The following NLRP13 variants were observed in gnomAD, a reference collection of about 807,000 sequenced individuals.
NLRP13 encodes the protein NACHT, LRR and PYD domains-containing protein 13.
In NLRP13, 82 loss-of-function variants were observed where a neutral mutation model predicts 94.4. That is an observed-to-expected ratio of 0.87 (90% CI 0.73 to 1.04). NLRP13 has a LOEUF of 1.04. NLRP13 is among the 50% of genes least tolerant of loss of function. The probability of loss-of-function intolerance (pLI) is 0.00; values close to 1 mark genes in which losing one functional copy is unlikely to be tolerated. For missense variants in NLRP13, 1,426 were observed against 1,230.8 expected (o/e 1.16, Z -2.37); for synonymous variants, 553 against 464.7 (o/e 1.19, Z -2.45).
intron 1 of NLRP13, among the ~76,000 whole-genome samples, chr19:55,925,372 A>G (rs973818035): frequency 6.6e-6 from 1 of 152,204 alleles, no homozygotes; most frequent in Non-Finnish European, 1.5e-5. Context: ...ACTACCACCT[A>G]TATCTTTAAT....
chr19:55,929,271 C>A (rs1234867512), intron 1 of NLRP13, among the ~76,000 whole-genome samples: 1 of 152,152 alleles, frequency 6.6e-6, no homozygotes, highest in Non-Finnish European at 1.5e-5. Flanking sequence ...AATCCCATTA[C>A]TGGGTATATA....
chr19:55,925,785 C>A (rs1462667198), intron 1 of NLRP13, among the ~76,000 whole-genome samples: 1 of 152,166 alleles, frequency 6.6e-6, no homozygotes, highest in South Asian at 2.1e-4. Context: ...ATATTTACAA[C>A]TCCATTGCTT....
chr19:55,922,328 TTTTG>T (rs1181935146), intron 4 of NLRP13, among the ~76,000 whole-genome samples: 21 of 152,108 alleles, frequency 1.4e-4, no homozygotes, highest in Admixed American at 2.6e-4. Context: ...TTTTTTGTTT[TTTTG>T]TTTGTTTGTT....
At chr19:55,898,205 TGTTTTTG>T (rs770450060) in intron 10 of NLRP13, among the ~76,000 whole-genome samples, 14 of 66,248 alleles carry the variant, frequency 2.1e-4, no homozygotes, top group African/African-American at 7.3e-4. Context: ...TTTTTGTTTT[TGTTTTTG>T]TTTTTTTTTT....
chr19:55,900,926 TA>T (rs1005037148), intron 9 of NLRP13, among the ~76,000 whole-genome samples: 1 of 152,010 alleles, frequency 6.6e-6, no homozygotes, highest in African/African-American at 2.4e-5. Flanking sequence ...CTCTTCTCTC[TA>T]AAGTTTCAAA....
At chr19:55,905,407 ATATATATACACG>A (rs1268326838) in intron 7 of NLRP13, among the ~76,000 whole-genome samples, 1 of 90,256 alleles carries the variant, frequency 1.1e-5, no homozygotes, top group Non-Finnish European at 2.5e-5. Context: ...ATATACATAC[ATATATATACACG>A]TATATATACA....
At chr19:55,900,607 T>TTAA (rs1555813781) in intron 9 of NLRP13, among the ~76,000 whole-genome samples, 35 of 148,714 alleles carry the variant, frequency 2.4e-4, no homozygotes, top group African/African-American at 8.4e-4. Flanking sequence ...CCATCTGTAC[T>TTAA]AAAAAAAAAA....
Position 55,912,640 on chromosome 19 carries a change from C to A in NLRP13, c.1177G>T (p.Val393Leu). Residue 393 changes from valine (V) to leucine (L), a missense_variant, in exon 5 of 11, where the codon GTA becomes TTA. Val to Leu is a conservative substitution (Grantham distance 32, BLOSUM62 1). Coordinates refer to ENST00000342929, the MANE Select transcript of NLRP13 (RefSeq NM_176810.2). ...TCATCAAAGTGTCTCATGAAATATA[C>A]CCGTAGGTCGTCCCCTGTGAACCCT... ...ITGFTGDDLR[V>L]YFMRHFDDSS... The A allele has an allele frequency of 2.5e-6, 4 of 1,613,866 alleles. No homozygotes were observed. Among genetic ancestry groups the A allele is most frequent in the Non-Finnish European group, 3.4e-6 (4 of 1,179,956 alleles).
downstream of NLRP13, among the ~76,000 whole-genome samples, chr19:55,895,649 C>T (rs1311250217): frequency 6.6e-6 from 1 of 152,162 alleles, no homozygotes; most frequent in African/African-American, 2.4e-5. Context: ...CACAACTGCA[C>T]TCTAGCCTGG....
At chr19:55,924,324 T>C (rs1292019929) in intron 3 of NLRP13, among the ~76,000 whole-genome samples, 2 of 152,098 alleles carry the variant, frequency 1.3e-5, no homozygotes, top group East Asian at 1.9e-4. Flanking sequence ...AGTTTCATCA[T>C]GTTGGCAAGG....
chr19:55,919,268 T>G (rs998730830), intron 4 of NLRP13, among the ~76,000 whole-genome samples: 1 of 152,134 alleles, frequency 6.6e-6, no homozygotes, highest in African/African-American at 2.4e-5. Context: ...CACATTATAC[T>G]GAATGGGAAA....
At chr19:55,905,312 C>T (rs182441626) in intron 7 of NLRP13, among the ~76,000 whole-genome samples, 200 bp from the exon 8 acceptor site, 467 of 151,766 alleles carry the variant, frequency 3.1e-3, no homozygotes, top group Middle Eastern at 6.9e-3. Context: ...GAGGCCAAGG[C>T]GGGTGGATCA....
At position 55,912,094 on chromosome 19, in the gene NLRP13, G is replaced by C; in HGVS notation, c.1723C>G (p.Leu575Val). The C allele has an allele frequency of 6.2e-7, 1 of 1,614,184 alleles. No individual in the cohort carries two copies. Residue 575 changes from leucine (L) to valine (V), a missense_variant, in exon 5 of 11, where the codon CTT becomes GTT. Coordinates refer to ENST00000342929, the MANE Select transcript of NLRP13 (RefSeq NM_176810.2). ...GGAGTCCAGTAGGCTTCTTTGTCAA[G>C]CAAGACGTGTTGCAGTAACATCTTC... Reference protein sequence around the residue: ...EMKMLLQHVLLDKEAYWTPVV... With the variant: ...EMKMLLQHVLVDKEAYWTPVV...
chr19:55,920,674 A>G (rs1240462476), intron 4 of NLRP13, among the ~76,000 whole-genome samples: 1 of 152,186 alleles, frequency 6.6e-6, no homozygotes, highest in Non-Finnish European at 1.5e-5. Context: ...AATTAGTACA[A>G]TATCTATGAA....
chr19:55,927,853 G>C (rs148224636), intron 1 of NLRP13, among the ~76,000 whole-genome samples: 310 of 152,242 alleles, frequency 2.0e-3, no homozygotes, highest in African/African-American at 6.9e-3. Flanking sequence ...ACTAGCCTTT[G>C]AATCCAGACA....
intron 8 of NLRP13, among the ~76,000 whole-genome samples, chr19:55,904,041 C>G: frequency 6.6e-6 from 1 of 152,144 alleles, no homozygotes; most frequent in South Asian, 2.1e-4. Flanking sequence ...CCACTATCAC[C>G]CTCACTCTAC....
At chr19:55,908,091 G>T in intron 6 of NLRP13, 135 bp from the exon 7 acceptor site, 2 of 752,116 alleles carry the variant, frequency 2.7e-6, no homozygotes, top group Non-Finnish European at 2.1e-6. Context: ...TTAAAAACAA[G>T]GGCTGAGCCA....
intron 1 of NLRP13, among the ~76,000 whole-genome samples, chr19:55,927,728 C>G (rs143935648): frequency 6.6e-4 from 100 of 152,288 alleles, no homozygotes; most frequent in African/African-American, 2.3e-3. Context: ...TGCCCAGTGC[C>G]TTCTAAGCAT....
intron 4 of NLRP13, 33 bp downstream of exon 4, chr19:55,923,881 C>T (rs750202847): frequency 1.3e-6 from 2 of 1,531,662 alleles, no homozygotes; most frequent in South Asian, 2.2e-5. Flanking sequence ...GTCAAGCAAC[C>T]TGTCCATTAT....
Sources: gnomAD v4.1 joint callset for allele counts (sites outside exome capture counted in the v4.1 genomes callset) on GRCh38, gnomAD v4.1.1 for gene constraint, MANE v1.5 for transcripts, NCBI Gene and HGNC (gene_info 2026-07-23, HGNC 2026-07-21) for gene names.